Variants in MTUS2 observed in about 807,000 individuals in gnomAD.
MTUS2 encodes the protein microtubule-associated tumor suppressor candidate 2.
MTUS2 carries 40 observed loss-of-function variants against 114.1 expected under a neutral mutation model. The ratio of observed to expected loss-of-function variants is 0.35; its 90% CI spans 0.27 to 0.46. The LOEUF (loss-of-function observed/expected upper bound fraction) is 0.46, where lower values mean the gene tolerates loss of function less well. Among genes scored for constraint, MTUS2 ranks in the 20% least tolerant of loss-of-function variants. The probability of loss-of-function intolerance (pLI) is 1.00; values close to 1 mark genes in which losing one functional copy is unlikely to be tolerated. For missense variants in MTUS2, 1,679 were observed against 1,705.4 expected (o/e 0.98, Z 0.27); for synonymous variants, 688 against 672.0 (o/e 1.02, Z -0.37).
intron 4 of MTUS2, among the ~76,000 whole-genome samples, chr13:29,057,251 A>T (rs979446354): frequency 6.6e-6 from 1 of 152,080 alleles, no homozygotes; most frequent in African/African-American, 2.4e-5. Context: ...TGCCATGTGC[A>T]GAAGAGAAGA....
intron 7 of MTUS2, among the ~76,000 whole-genome samples, chr13:29,353,021 T>C (rs1869426500): frequency 6.6e-6 from 1 of 152,242 alleles, no homozygotes. Flanking sequence ...CCCTGTCTAG[T>C]AATTCTGTTA....
chr13:29,012,289 C>T (rs1205093338), intron 2 of MTUS2, among the ~76,000 whole-genome samples: 2 of 152,076 alleles, frequency 1.3e-5, no homozygotes, highest in African/African-American at 4.8e-5. Flanking sequence ...TCAGTTTGCA[C>T]CAACCCGACT....
intron 10 of MTUS2, among the ~76,000 whole-genome samples, chr13:29,481,417 T>G (rs981064211): frequency 5.3e-5 from 8 of 152,204 alleles, no homozygotes; most frequent in African/African-American, 1.7e-4. Context: ...CTCTTGTTTC[T>G]AAGTTCTCCA....
intron 5 of MTUS2, among the ~76,000 whole-genome samples, chr13:29,165,295 A>G (rs547660068): frequency 1.3e-4 from 20 of 152,154 alleles, no homozygotes; most frequent in Non-Finnish European, 2.5e-4. Flanking sequence ...TCTTCAAGGA[A>G]GCTTGTCTTG....
At chr13:29,356,150 A>G (rs1333521251) in intron 7 of MTUS2, among the ~76,000 whole-genome samples, 1 of 152,136 alleles carries the variant, frequency 6.6e-6, no homozygotes, top group Non-Finnish European at 1.5e-5. Context: ...AAACACTCCT[A>G]CATCTAAAAG....
At position 29,025,190 on chromosome 13, in the gene MTUS2, A is replaced by G. The variant is rs144865341; in HGVS notation, c.492A>G (p.Ala164=). ...IPRHVPKDKL[A]KTLDNEELRR... is the part of the protein sequence containing the mutation. ...GGCATGTTCCCAAGGATAAACTGGC[A>G]AAGACCCTTGACAATGAGGAACTGA... The change falls in exon 3 of 16, where the codon GCA becomes GCG. Residue 164 remains alanine, a synonymous_variant. Coordinates refer to ENST00000612955, the MANE Select transcript of MTUS2 (RefSeq NM_001033602.4). The G allele has an allele frequency of 1.7e-5, 28 of 1,614,000 alleles. No homozygotes were observed. In the African/African-American group the frequency reaches 3.2e-4, roughly 18 times the overall value.
intron 4 of MTUS2, among the ~76,000 whole-genome samples, chr13:29,041,549 A>G (rs1273802294): frequency 2.0e-5 from 3 of 152,110 alleles, no homozygotes; most frequent in Non-Finnish European, 2.9e-5. Context: ...GGTCATTTTT[A>G]CAATATTGAT....
chr13:29,416,183 C>T (rs1344372782), intron 8 of MTUS2, among the ~76,000 whole-genome samples: 1 of 150,758 alleles, frequency 6.6e-6, no homozygotes, highest in Non-Finnish European at 1.5e-5. Flanking sequence ...CCCGCCTTGG[C>T]CTCCTAAAGT....
chr13:29,499,387 T>C (rs751134004), intron 14 of MTUS2, among the ~76,000 whole-genome samples: 2 of 152,250 alleles, frequency 1.3e-5, no homozygotes, highest in Non-Finnish European at 2.9e-5. Flanking sequence ...CCCATCTTGA[T>C]CTGGAAATTG....
chr13:29,019,154 G>A (rs556473918), intron 2 of MTUS2, among the ~76,000 whole-genome samples: 50 of 152,086 alleles, frequency 3.3e-4, no homozygotes, highest in Middle Eastern at 6.8e-3. Flanking sequence ...ACATTTCAGC[G>A]TCATGATTGA....
intron 5 of MTUS2, among the ~76,000 whole-genome samples, chr13:29,201,336 G>GTT (rs35381798): frequency 3.6e-4 from 52 of 145,836 alleles, no homozygotes; most frequent in Admixed American, 8.9e-4. Flanking sequence ...TGCAACCCCT[G>GTT]TTTTTTTTTT....
chr13:29,168,969 T>C (rs1212307250), intron 5 of MTUS2, among the ~76,000 whole-genome samples: 1 of 151,328 alleles, frequency 6.6e-6, no homozygotes, highest in Non-Finnish European at 1.5e-5. Flanking sequence ...ACAGGTCAAC[T>C]CTGCCCTTAT....
At chr13:28,963,154 A>G (rs1315647887) in intron 2 of MTUS2, among the ~76,000 whole-genome samples, 1 of 152,148 alleles carries the variant, frequency 6.6e-6, no homozygotes, top group East Asian at 1.9e-4. Context: ...GATCGAGACC[A>G]TCCTAGCTAA....
At chr13:28,970,296 T>TACA in intron 2 of MTUS2, among the ~76,000 whole-genome samples, 1 of 152,228 alleles carries the variant, frequency 6.6e-6, no homozygotes, top group African/African-American at 2.4e-5. Flanking sequence ...TATAAATTTT[T>TACA]TATATTGTAA....
At chr13:29,029,812 C>G (rs3929709) in intron 3 of MTUS2, among the ~76,000 whole-genome samples, 1,536 of 152,202 alleles carry the variant, frequency 0.01, 25 homozygotes, top group African/African-American at 0.035. Context: ...AGGACCAGCT[C>G]TCATGGGAAC....
At chr13:29,447,777 A>G (rs1291633123) in intron 9 of MTUS2, among the ~76,000 whole-genome samples, 1 of 152,072 alleles carries the variant, frequency 6.6e-6, no homozygotes, top group Non-Finnish European at 1.5e-5. Context: ...TTGGATCCCC[A>G]GGAAACCAGA....
intron 5 of MTUS2, among the ~76,000 whole-genome samples, chr13:29,186,056 A>G (rs898291903): frequency 3.3e-5 from 5 of 151,866 alleles, no homozygotes; most frequent in Admixed American, 6.6e-5. Flanking sequence ...GCTAAAAGTT[A>G]AAAAAAACTT....
intron 5 of MTUS2, among the ~76,000 whole-genome samples, chr13:29,218,994 T>G (rs1895796020): frequency 6.6e-6 from 1 of 151,408 alleles, no homozygotes; most frequent in Non-Finnish European, 1.5e-5. Context: ...TATTATACTT[T>G]AAGTTTTAGG....
intron 9 of MTUS2, among the ~76,000 whole-genome samples, chr13:29,460,252 T>G (rs544373922): frequency 1.3e-5 from 2 of 152,226 alleles, no homozygotes; most frequent in East Asian, 3.9e-4. Context: ...CCATGCCTGT[T>G]TTTCCTACAA....
Sources: allele counts gnomAD v4.1 joint callset (sites outside exome capture counted in the v4.1 genomes callset), GRCh38; gene constraint gnomAD v4.1.1; transcripts MANE v1.5; gene names NCBI Gene and HGNC (gene_info 2026-07-23, HGNC 2026-07-21).